The following GALNTL6 variants were observed in gnomAD, a reference collection of about 807,000 sequenced individuals.
The protein encoded by GALNTL6 is polypeptide N-acetylgalactosaminyltransferase-like 6.
GALNTL6 carries 46 observed loss-of-function variants against 73.7 expected under a neutral mutation model. That is an observed-to-expected ratio of 0.62 (90% confidence interval 0.49 to 0.80). The LOEUF (loss-of-function observed/expected upper bound fraction) is 0.80. Ranked by LOEUF, GALNTL6 falls within the 30% of genes least tolerant of loss-of-function variation. The pLI, the probability that GALNTL6 is intolerant of heterozygous loss-of-function variation, is 0.00. For missense variants in GALNTL6, 604 were observed against 755.0 expected (o/e 0.80, Z 2.34); for synonymous variants, 259 against 263.7 (o/e 0.98, Z 0.17).
intron 11 of GALNTL6, among the ~76,000 whole-genome samples, chr4:173,009,876 T>TG (rs1752467801): frequency 6.6e-6 from 1 of 152,098 alleles, no homozygotes; most frequent in Non-Finnish European, 1.5e-5. Context: ...TTTCTATTTT[T>TG]GGGGGCACAT....
intron 5 of GALNTL6, among the ~76,000 whole-genome samples, chr4:172,522,777 G>A (rs1051877655): frequency 1.3e-5 from 2 of 150,762 alleles, no homozygotes; most frequent in African/African-American, 4.9e-5. Context: ...TTTAAAAGGT[G>A]TTTTCTTAAT....
At chr4:172,185,294 G>T (rs1013994340) in intron 2 of GALNTL6, among the ~76,000 whole-genome samples, 7 of 152,208 alleles carry the variant, frequency 4.6e-5, no homozygotes, top group Non-Finnish European at 1.0e-4. Context: ...TACTATGACA[G>T]TGATATAGAT....
intron 5 of GALNTL6, among the ~76,000 whole-genome samples, chr4:172,447,284 G>C (rs1427038897): frequency 6.6e-6 from 1 of 152,122 alleles, no homozygotes; most frequent in Non-Finnish European, 1.5e-5. Context: ...CAGAGTTATT[G>C]CTTTATGTAT....
rs1018256472 is a variant in GALNTL6 at position 173,041,203 on chromosome 4, G to T, written c.*1103G>T. On this transcript the variant is annotated 3_prime_UTR_variant, in exon 13 of 13. Coordinates refer to ENST00000506823, the MANE Select transcript of GALNTL6 (RefSeq NM_001034845.3). Reference sequence around the variant, plus strand: ...TGCTTTTGTTTTTTATTTTTTTCTTGTTTTTTTTTTGTAGTGTTGAATTAA... The same window carrying T: ...TGCTTTTGTTTTTTATTTTTTTCTTTTTTTTTTTTTGTAGTGTTGAATTAA... 1 of 145,050 alleles carries T rather than the reference G, an allele frequency of 6.9e-6. No homozygotes were observed. Among genetic ancestry groups the T allele is most frequent in the Non-Finnish European group, 1.5e-5 (1 of 65,684 alleles). 9.0% of individuals were successfully genotyped at this position (145,050 alleles called of 1,614,324 possible).
chr4:171,890,449 A>G (rs541274278), intron 2 of GALNTL6, among the ~76,000 whole-genome samples: 1 of 152,278 alleles, frequency 6.6e-6, no homozygotes, highest in South Asian at 2.1e-4. Context: ...TATGTAAATG[A>G]CATGTACTCT....
At chr4:172,869,367 G>T (rs185740278) in intron 7 of GALNTL6, among the ~76,000 whole-genome samples, 4 of 152,260 alleles carry the variant, frequency 2.6e-5, no homozygotes, top group African/African-American at 9.6e-5. Context: ...ACAAATTTGC[G>T]TATATTTGAT....
chr4:172,785,118 T>C (rs549528204), intron 5 of GALNTL6, among the ~76,000 whole-genome samples: 7 of 152,290 alleles, frequency 4.6e-5, no homozygotes, highest in Admixed American at 2.0e-4. Flanking sequence ...CTGAGAGTTA[T>C]ATCCTTCTTA....
At chr4:172,023,925 T>C (rs887375120) in intron 2 of GALNTL6, among the ~76,000 whole-genome samples, 1 of 151,866 alleles carries the variant, frequency 6.6e-6, no homozygotes, top group Non-Finnish European at 1.5e-5. Context: ...ATAATGATGG[T>C]TATAATTCCA....
At chr4:171,962,367 A>C (rs1357759478) in intron 2 of GALNTL6, among the ~76,000 whole-genome samples, 1 of 152,192 alleles carries the variant, frequency 6.6e-6, no homozygotes, top group Non-Finnish European at 1.5e-5. Context: ...CACAAGATAC[A>C]GGTCACAAAG....
intron 5 of GALNTL6, among the ~76,000 whole-genome samples, chr4:172,624,773 ATT>A (rs953997539): frequency 6.8e-6 from 1 of 147,486 alleles, no homozygotes; most frequent in African/African-American, 2.5e-5. Flanking sequence ...TTTTTTTTTT[ATT>A]TTTTTGTTTT....
intron 5 of GALNTL6, among the ~76,000 whole-genome samples, chr4:172,441,294 A>G (rs1414441415): frequency 6.6e-6 from 1 of 152,016 alleles, no homozygotes; most frequent in Non-Finnish European, 1.5e-5. Flanking sequence ...TTTCATTGCT[A>G]TAGTTATTAT....
rs1426922397 is a variant in GALNTL6, at chr4:172,773,297, C to T, written c.554-36064C>T. Among the ~76,000 whole-genome samples, 3 of 152,102 alleles carry T rather than the reference C, an allele frequency of 2.0e-5. No homozygotes were observed. In the East Asian group the frequency reaches 5.8e-4, roughly 29 times the overall value. On this transcript the variant is annotated intron_variant, in intron 5 of 12. Transcript: ENST00000506823. The stretch of plus-strand genomic sequence containing the variant: ...GTCCTGCAGACTTAAACTCCTTAAA[C>T]TCAAGTGATCCTCCTGCCTCAGCCT...
chr4:172,488,852 T>G (rs1213499984), intron 5 of GALNTL6, among the ~76,000 whole-genome samples: 6 of 104,418 alleles, frequency 5.7e-5, no homozygotes, highest in Non-Finnish European at 9.9e-5. Context: ...GGGTGGGGGG[T>G]GGGTACTAGT....
At chr4:172,539,889 AT>A (rs1735485541) in intron 5 of GALNTL6, among the ~76,000 whole-genome samples, 2 of 137,868 alleles carry the variant, frequency 1.5e-5, no homozygotes, top group African/African-American at 5.7e-5. Context: ...ATATATATAT[AT>A]ATATATATAT....
intron 2 of GALNTL6, among the ~76,000 whole-genome samples, chr4:172,077,563 A>G (rs965853481): frequency 2.6e-5 from 4 of 152,188 alleles, no homozygotes; most frequent in African/African-American, 7.2e-5. Context: ...GCAGCAAAGC[A>G]TTCAAGAGGT....
chr4:172,170,195 A>G (rs975650452), intron 2 of GALNTL6, among the ~76,000 whole-genome samples: 7 of 152,234 alleles, frequency 4.6e-5, no homozygotes, highest in African/African-American at 1.7e-4. Flanking sequence ...CCAAAATCTC[A>G]TCTTGAATTG....
At chr4:172,931,065 CTT>C (rs2111318980) in intron 8 of GALNTL6, 94 bp from the exon 9 acceptor site, 2 of 758,104 alleles carry the variant, frequency 2.6e-6, no homozygotes, top group African/African-American at 3.5e-5. Flanking sequence ...GATTTAAAGA[CTT>C]TTAGAGATTT....
At chr4:172,888,660 T>G (rs1418223191) in intron 8 of GALNTL6, among the ~76,000 whole-genome samples, 1 of 152,188 alleles carries the variant, frequency 6.6e-6, no homozygotes, top group Non-Finnish European at 1.5e-5. Flanking sequence ...ATTACTGTAG[T>G]CTTGTAGTAC....
At chr4:172,123,264 A>T (rs2111003026) in intron 2 of GALNTL6, among the ~76,000 whole-genome samples, 1 of 152,298 alleles carries the variant, frequency 6.6e-6, no homozygotes, top group South Asian at 2.1e-4. Flanking sequence ...CTAAAGAGAC[A>T]GCAAAATTTT....
Sources: allele counts gnomAD v4.1 joint callset (sites outside exome capture counted in the v4.1 genomes callset), GRCh38; gene constraint gnomAD v4.1.1; transcripts MANE v1.5; gene names NCBI Gene and HGNC (gene_info 2026-07-23, HGNC 2026-07-21).